Variants in PDZRN4 observed in about 807,000 individuals in gnomAD.
PDZRN4 encodes PDZ domain containing ring finger 4.
PDZRN4 carries 70 observed loss-of-function variants against 99.0 expected under a neutral mutation model. The observed-to-expected ratio is 0.71, with a 90% CI of 0.58 to 0.86. The LOEUF (loss-of-function observed/expected upper bound fraction) is 0.86, where lower values mean the gene tolerates loss of function less well. PDZRN4 is among the 40% of genes least tolerant of loss of function. PDZRN4 has a pLI of 0.00. For missense variants in PDZRN4, 1,474 were observed against 1,331.2 expected (o/e 1.11, Z -1.67); for synonymous variants, 551 against 501.6 (o/e 1.10, Z -1.32).
chr12:41,472,917 C>G (rs1953007028), intron 3 of PDZRN4, among the ~76,000 whole-genome samples: 1 of 152,136 alleles, frequency 6.6e-6, no homozygotes, highest in African/African-American at 2.4e-5. Flanking sequence ...TAGCAACAAC[C>G]AAAATGTTAA....
At chr12:41,509,634 C>A in intron 4 of PDZRN4, 177 bp from the exon 5 acceptor site, 1 of 430,430 alleles carries the variant, frequency 2.3e-6, no homozygotes. Flanking sequence ...TGATGGACTT[C>A]ACGTAGAGGG....
At chr12:41,507,961 A>ATATT (rs1191441206) in intron 4 of PDZRN4, among the ~76,000 whole-genome samples, 6 of 152,174 alleles carry the variant, frequency 3.9e-5, no homozygotes, top group Admixed American at 6.6e-5. Flanking sequence ...AATATTCATT[A>ATATT]ATACAGCCTA....
At chr12:41,529,898 T>A (rs1938631235) in intron 5 of PDZRN4, among the ~76,000 whole-genome samples, 1 of 152,190 alleles carries the variant, frequency 6.6e-6, no homozygotes, top group East Asian at 1.9e-4. Flanking sequence ...GCCCACTCTC[T>A]TTCCTTCTCT....
In PDZRN4 at chr12:41,574,036, A is replaced by T. The variant is rs1939535504; in HGVS notation, c.*146A>T. On this transcript the variant is annotated 3_prime_UTR_variant, in exon 10 of 10. Coordinates refer to ENST00000402685, the MANE Select transcript of PDZRN4 (RefSeq NM_001164595.2). The stretch of plus-strand genomic sequence containing the variant: ...TTTTTGTAAGCAAAAAATACCTGGT[A>T]ATTTTTCATTTGTTTTTCATATACT... The T allele has an allele frequency of 2.1e-6, 1 of 477,378 alleles. No individual in the cohort carries two copies. The highest frequency in any genetic ancestry group is 2.0e-5 in the African/African-American group (1 of 51,184). 29.6% of individuals were successfully genotyped at this position (477,378 alleles called of 1,614,324 possible). A position where few individuals can be genotyped will look rare whatever the true frequency, so the allele number is the denominator to read the frequency against.
chr12:41,466,269 G>A (rs556095340), intron 3 of PDZRN4, among the ~76,000 whole-genome samples: 34 of 152,254 alleles, frequency 2.2e-4, no homozygotes, highest in Non-Finnish European at 3.1e-4. Context: ...GCAATTATTG[G>A]TGTGCTCCTC....
intron 8 of PDZRN4, among the ~76,000 whole-genome samples, chr12:41,567,429 A>T (rs1939393396): frequency 6.6e-6 from 1 of 152,300 alleles, no homozygotes; most frequent in East Asian, 1.9e-4. Flanking sequence ...AATTAGTAGC[A>T]TGGCAGTCCT....
chr12:41,555,069 A>C (rs1482924796), intron 6 of PDZRN4, among the ~76,000 whole-genome samples: 2 of 136,186 alleles, frequency 1.5e-5, no homozygotes, highest in East Asian at 4.0e-4. Flanking sequence ...AAAAAAAAAA[A>C]AAAAAAAAAA....
chr12:41,452,204 C>T (rs1012891215), intron 3 of PDZRN4, among the ~76,000 whole-genome samples: 12 of 149,794 alleles, frequency 8.0e-5, no homozygotes, highest in East Asian at 2.0e-4. Context: ...CTGAGGCAGG[C>T]GAATCACAAG....
At chr12:41,286,220 T>C (rs544937837) in intron 3 of PDZRN4, among the ~76,000 whole-genome samples, 1 of 151,950 alleles carries the variant, frequency 6.6e-6, no homozygotes, top group Admixed American at 6.6e-5. Context: ...GTGTACATGT[T>C]TGAAAAAAAA....
At chr12:41,569,930 A>T (rs562600202) in intron 9 of PDZRN4, among the ~76,000 whole-genome samples, 4 of 152,026 alleles carry the variant, frequency 2.6e-5, no homozygotes, top group Non-Finnish European at 5.9e-5. Flanking sequence ...AAAAATAAAG[A>T]TATTTTTGGT....
intron 5 of PDZRN4, among the ~76,000 whole-genome samples, chr12:41,534,859 C>T (rs1209755124): frequency 6.6e-6 from 1 of 152,128 alleles, no homozygotes. Context: ...CACTTTTCAT[C>T]AGTTACACAA....
At chr12:41,240,058 T>C (rs1029867024) in intron 3 of PDZRN4, among the ~76,000 whole-genome samples, 3 of 152,230 alleles carry the variant, frequency 2.0e-5, no homozygotes, top group African/African-American at 7.2e-5. Flanking sequence ...GCAGTTCATG[T>C]TGCTGAAAAT....
At chr12:41,260,502 T>C (rs1462779228) in intron 3 of PDZRN4, among the ~76,000 whole-genome samples, 1 of 152,176 alleles carries the variant, frequency 6.6e-6, no homozygotes, top group East Asian at 1.9e-4. Flanking sequence ...ACCCCAATTA[T>C]ACATGAGTTA....
chr12:41,336,602 A>C (rs1951776496), intron 3 of PDZRN4, among the ~76,000 whole-genome samples: 2 of 151,668 alleles, frequency 1.3e-5, no homozygotes, highest in African/African-American at 2.4e-5. Context: ...AGACAGGGGA[A>C]TTGCAATGGA....
chr12:41,227,754 G>T (rs1423820732), intron 3 of PDZRN4, among the ~76,000 whole-genome samples: 1 of 151,884 alleles, frequency 6.6e-6, no homozygotes, highest in Non-Finnish European at 1.5e-5. Flanking sequence ...TATGCTGTTT[G>T]GTGTTTAATG....
At chr12:41,359,928 G>T (rs1951953075) in intron 3 of PDZRN4, among the ~76,000 whole-genome samples, 1 of 151,992 alleles carries the variant, frequency 6.6e-6, no homozygotes, top group Non-Finnish European at 1.5e-5. Context: ...AGCAGTAGTG[G>T]ATCTTGCTAT....
chr12:41,189,168 C>T, intron 1 of PDZRN4, 65 bp downstream of exon 1: 1 of 1,463,210 alleles, frequency 6.8e-7, no homozygotes, highest in Non-Finnish European at 9.2e-7. Flanking sequence ...GCGGTTCTTT[C>T]TGACGCTTCA....
chr12:41,303,953 A>G (rs1951553173), intron 3 of PDZRN4, among the ~76,000 whole-genome samples: 1 of 152,212 alleles, frequency 6.6e-6, no homozygotes, highest in Non-Finnish European at 1.5e-5. Context: ...TACTGTGAAC[A>G]AGACACAAAC....
At chr12:41,451,382 C>A (rs1952772791) in intron 3 of PDZRN4, among the ~76,000 whole-genome samples, 1 of 152,140 alleles carries the variant, frequency 6.6e-6, no homozygotes, top group Admixed American at 6.5e-5. Flanking sequence ...TCTGTGACTG[C>A]ACATTTTTGT....
Sources: gnomAD v4.1 joint callset for allele counts (sites outside exome capture counted in the v4.1 genomes callset) on GRCh38, gnomAD v4.1.1 for gene constraint, MANE v1.5 for transcripts, NCBI Gene and HGNC (gene_info 2026-07-23, HGNC 2026-07-21) for gene names.